GPC6: variants seen among roughly 807,000 people sequenced by gnomAD.
GPC6 encodes the protein glypican-6.
A neutral mutation model predicts 55.2 loss-of-function variants in GPC6; 14 were observed. The ratio of observed to expected loss-of-function variants is 0.25; its 90% CI spans 0.17 to 0.40. GPC6 has a LOEUF of 0.40. Among genes scored for constraint, GPC6 ranks in the 10% least tolerant of loss-of-function variants. The pLI is 1.00. For synonymous variants in GPC6, 278 were observed against 259.6 expected (o/e 1.07, Z -0.68); for missense variants, 641 against 708.5 (o/e 0.90, Z 1.08).
At chr13:93,485,673 A>G (rs1194450874) in intron 1 of GPC6, among the ~76,000 whole-genome samples, 1 of 152,170 alleles carries the variant, frequency 6.6e-6, no homozygotes, top group Non-Finnish European at 1.5e-5. Context: ...GATTCCTGGT[A>G]CAATCCACCA....
At chr13:93,564,463 T>C (rs1303898940) in intron 2 of GPC6, among the ~76,000 whole-genome samples, 1 of 152,232 alleles carries the variant, frequency 6.6e-6, no homozygotes, top group Admixed American at 6.5e-5. Context: ...GAATTACCTA[T>C]TAAAATATTT....
chr13:93,341,493 G>T (rs1175761436), intron 1 of GPC6, among the ~76,000 whole-genome samples: 1 of 152,174 alleles, frequency 6.6e-6, no homozygotes, highest in Admixed American at 6.5e-5. Context: ...TATCCCTGAT[G>T]ATTAGTGATG....
intron 2 of GPC6, among the ~76,000 whole-genome samples, chr13:93,813,909 G>T (rs954822718): frequency 1.3e-5 from 2 of 151,852 alleles, no homozygotes; most frequent in Non-Finnish European, 2.9e-5. Flanking sequence ...AATATTGTGT[G>T]CAGTGGTATA....
At chr13:93,445,720 G>A (rs1019187153) in intron 1 of GPC6, among the ~76,000 whole-genome samples, 3 of 152,152 alleles carry the variant, frequency 2.0e-5, no homozygotes, top group Non-Finnish European at 4.4e-5. Flanking sequence ...AGCTTTTCTA[G>A]TGCCTAGCAT....
At chr13:93,674,346 G>C (rs1881493298) in intron 2 of GPC6, among the ~76,000 whole-genome samples, 1 of 152,082 alleles carries the variant, frequency 6.6e-6, no homozygotes, top group Non-Finnish European at 1.5e-5. Flanking sequence ...AAAGTAGCTT[G>C]GTTCCCATCA....
intron 4 of GPC6, among the ~76,000 whole-genome samples, chr13:94,259,710 C>G (rs1432956225): frequency 1.3e-5 from 2 of 152,190 alleles, no homozygotes; most frequent in Non-Finnish European, 2.9e-5. Context: ...TTTCCTATCT[C>G]TATGAATCTG....
intron 1 of GPC6, among the ~76,000 whole-genome samples, chr13:93,517,158 A>G (rs987348706): frequency 6.6e-5 from 10 of 152,174 alleles, no homozygotes; most frequent in Non-Finnish European, 4.4e-5. Context: ...GGCAACAAGA[A>G]TCACCTGATA....
intron 6 of GPC6, among the ~76,000 whole-genome samples, chr13:94,360,814 G>T (rs886789440): frequency 6.6e-6 from 1 of 152,194 alleles, no homozygotes; most frequent in African/African-American, 2.4e-5. Context: ...CAGTTCTGTT[G>T]TAATGGTTAA....
chr13:93,977,467 GGTGTGTGT>G (rs4001797), intron 3 of GPC6, among the ~76,000 whole-genome samples: 19,216 of 137,292 alleles, frequency 0.14, 1,382 homozygotes, highest in South Asian at 0.24. Context: ...GATGACAAGG[GGTGTGTGT>G]GTGTGTGTGT....
chr13:93,904,657 G>A (rs1876539562), intron 3 of GPC6, among the ~76,000 whole-genome samples: 1 of 152,124 alleles, frequency 6.6e-6, no homozygotes, highest in African/African-American at 2.4e-5. Context: ...AGGATCACAA[G>A]CCAGGGAGGT....
chr13:94,364,218 C>T (rs1466412638), intron 6 of GPC6, among the ~76,000 whole-genome samples: 6 of 152,148 alleles, frequency 3.9e-5, no homozygotes, highest in Admixed American at 3.9e-4. Flanking sequence ...TATGACACTT[C>T]TGCAGCTTGT....
intron 1 of GPC6, among the ~76,000 whole-genome samples, chr13:93,400,321 TG>T (rs1876020300): frequency 7.2e-6 from 1 of 139,034 alleles, no homozygotes; most frequent in Non-Finnish European, 1.6e-5. Context: ...CAACAAAACT[TG>T]GTGTTAGGCA....
At chr13:93,763,202 C>G (rs1220416913) in intron 2 of GPC6, among the ~76,000 whole-genome samples, 1 of 152,188 alleles carries the variant, frequency 6.6e-6, no homozygotes, top group Non-Finnish European at 1.5e-5. Flanking sequence ...GGTAGACACT[C>G]TGAAGGTCAT....
At chr13:93,880,714 TAATAA>T (rs1322926677) in intron 3 of GPC6, among the ~76,000 whole-genome samples, 2 of 151,930 alleles carry the variant, frequency 1.3e-5, no homozygotes, top group Middle Eastern at 3.4e-3. Flanking sequence ...TAAAGTATAA[TAATAA>T]AATAAAATAA....
chr13:93,445,308 T>C (rs1461973117), intron 1 of GPC6, among the ~76,000 whole-genome samples: 1 of 152,216 alleles, frequency 6.6e-6, no homozygotes, highest in African/African-American at 2.4e-5. Flanking sequence ...AACCTCATTT[T>C]CTATAATGGG....
intron 2 of GPC6, among the ~76,000 whole-genome samples, chr13:93,683,078 A>C (rs1881913265): frequency 6.6e-6 from 1 of 152,094 alleles, no homozygotes; most frequent in Non-Finnish European, 1.5e-5. Flanking sequence ...TAAATCCTTA[A>C]TTTCCATGTA....
At chr13:93,873,495 CT>C (rs1356008062) in intron 3 of GPC6, among the ~76,000 whole-genome samples, 1 of 151,650 alleles carries the variant, frequency 6.6e-6, no homozygotes, top group African/African-American at 2.4e-5. Context: ...ATCTGGAAGC[CT>C]TTTTATATGT....
rs1281342094 is a variant in GPC6, at chr13:93,294,271, AAAT to A, written c.160+66665_160+66667del. Among the ~76,000 whole-genome samples the A allele has an allele frequency of 5.3e-5, 8 of 152,318 alleles. No individual in the cohort carries two copies. In the East Asian group the frequency reaches 9.7e-4, roughly 18 times the overall value. On this transcript the variant is annotated intron_variant, in intron 1 of 8. Coordinates refer to ENST00000377047, the MANE Select transcript of GPC6 (RefSeq NM_005708.5). ...TCCTTTACCCAGGCCTTCAATAAGA[AAAT>A]AATAATAATTTTTTTCCCAAAGACA...
chr13:94,361,185 G>C (rs150856437), intron 6 of GPC6, among the ~76,000 whole-genome samples: 2 of 152,146 alleles, frequency 1.3e-5, no homozygotes, highest in Non-Finnish European at 2.9e-5. Context: ...CATCACTGTT[G>C]TTATCATAAT....
Sources: allele counts gnomAD v4.1 joint callset (sites outside exome capture counted in the v4.1 genomes callset), GRCh38; gene constraint gnomAD v4.1.1; transcripts MANE v1.5; gene names NCBI Gene and HGNC (gene_info 2026-07-23, HGNC 2026-07-21).